SRMS: variants seen among roughly 807,000 people sequenced by gnomAD.
SRMS encodes tyrosine-protein kinase Srms.
A neutral mutation model predicts 43.5 loss-of-function variants in SRMS; 42 were observed. The observed-to-expected ratio is 0.97, with a 90% CI of 0.75 to 1.25. The LOEUF (loss-of-function observed/expected upper bound fraction) is 1.25. Among genes scored for constraint, SRMS ranks in the 50% most tolerant of loss-of-function variants. SRMS has a pLI of 0.00. For missense variants in SRMS, 703 were observed against 681.0 expected, an observed-to-expected ratio of 1.03 and a Z score of -0.36; for synonymous variants, 316 against 308.2, an observed-to-expected ratio of 1.03 and a Z score of -0.27.
Position 63,547,472 on chromosome 20 carries a change from G to A in SRMS, c.-9C>T, listed in dbSNP as rs2082740088. ...CTGAGGAACGGCTCCATCCCCCGGGGTCACCACGCTGGGCCCGAGGGCCAT... is the reference window on the plus strand; with the variant it reads ...CTGAGGAACGGCTCCATCCCCCGGGATCACCACGCTGGGCCCGAGGGCCAT... On this transcript the variant is annotated 5_prime_UTR_variant, in exon 1 of 8. Coordinates refer to ENST00000217188, the MANE Select transcript of SRMS (RefSeq NM_080823.4). The A allele has an allele frequency of 6.8e-7, 1 of 1,477,388 alleles. No individual in the cohort carries two copies. The highest frequency in any genetic ancestry group is 1.4e-5 in the African/African-American group (1 of 70,156). The allele number at this position is 1,477,388 out of a possible 1,614,324, so 91.5% of individuals were successfully genotyped here. A position where few individuals can be genotyped will look rare whatever the true frequency, so the allele number is the denominator to read the frequency against.
intron 1 of SRMS, among the ~76,000 whole-genome samples, chr20:63,544,983 C>T (rs570574028): frequency 3.7e-4 from 57 of 152,228 alleles, no homozygotes; most frequent in Non-Finnish European, 6.3e-4. Flanking sequence ...CAGTACAGGA[C>T]GGCCCTAAGC....
intron 3 of SRMS, 123 bp downstream of exon 3, chr20:63,543,191 G>T: frequency 8.2e-7 from 1 of 1,217,058 alleles, no homozygotes; most frequent in Non-Finnish European, 1.2e-6. Flanking sequence ...CCCAGGCCTG[G>T]GCAGGGCCCT....
intron 1 of SRMS, among the ~76,000 whole-genome samples, chr20:63,544,783 A>G (rs1600946859): frequency 6.6e-6 from 1 of 152,184 alleles, no homozygotes. Context: ...CATGGGCATC[A>G]CCTGGCTGGG....
rs2082709994 is a variant in SRMS at position 63,542,411 on chromosome 20, GGCCGTGGCGCA to G, written c.787+18_787+28del. 2 of 1,602,098 alleles carry G rather than the reference GGCCGTGGCGCA, an allele frequency of 1.2e-6. No individual in the cohort carries two copies. The highest frequency in any genetic ancestry group is 3.4e-5 in the Admixed American group (2 of 59,362). ...GGGTTGGACAGCAGGTGCGGGGCCC[GGCCGTGGCGCA>G]GGATCTCGGGGCCTCACCTGACTTG... On this transcript the variant is annotated intron_variant, in intron 4 of 7. Transcript: ENST00000217188.
In SRMS at chr20:63,540,603, C is replaced by A. The variant is rs1450250423; in HGVS notation, c.*215G>T. Reference sequence around the variant, plus strand: ...ACTGCATGGGGGACGTCAGCCCCAGCCCTCCGTCTGCACGAGTCACACTGC... The same window carrying A: ...ACTGCATGGGGGACGTCAGCCCCAGACCTCCGTCTGCACGAGTCACACTGC... On this transcript the variant is annotated 3_prime_UTR_variant, in exon 8 of 8. Coordinates refer to ENST00000217188, the MANE Select transcript of SRMS (RefSeq NM_080823.4). 6.6e-6 allele frequency among the ~76,000 whole-genome samples: 1 copy of A among 151,910 alleles called. No individual in the cohort carries two copies. Among genetic ancestry groups the A allele is most frequent in the Non-Finnish European group, 1.5e-5 (1 of 67,918 alleles).
chr20:63,547,558 C>G lies in SRMS; in HGVS notation c.-95G>C, dbSNP rs2082740888. 8.2e-7 allele frequency: 1 copy of G among 1,223,450 alleles called. No individual in the cohort carries two copies. The highest frequency in any genetic ancestry group is 1.1e-6 in the Non-Finnish European group (1 of 917,750). 75.8% of individuals were successfully genotyped at this position (1,223,450 alleles called of 1,614,324 possible). ...CCGGTGGGACCCGGTGTCCAGCGCT[C>G]CCTGCCCTGGCCGTGGGGTGACAGG... On this transcript the variant is annotated 5_prime_UTR_variant, in exon 1 of 8. Transcript: ENST00000217188.
rs1184762777 is a variant in SRMS, at chr20:63,540,389, A to ACACACAGGGCTCAGGGTTCCT, written c.*408_*428dup. ...GGAGTCCAGGGGACCCAGGCAGGAG[A>ACACACAGGGCTCAGGGTTCCT]CACACAGGGCTCAGGGTTCCTCACC... On this transcript the variant is annotated 3_prime_UTR_variant, in exon 8 of 8. Coordinates refer to ENST00000217188, the MANE Select transcript of SRMS (RefSeq NM_080823.4). 6.6e-6 allele frequency among the ~76,000 whole-genome samples: 1 copy of ACACACAGGGCTCAGGGTTCCT among 151,690 alleles called. No homozygotes were observed. The highest frequency in any genetic ancestry group is 1.5e-5 in the Non-Finnish European group (1 of 67,992).
At chr20:63,543,214 C>T (rs1170075414) in intron 3 of SRMS, 100 bp downstream of exon 3, 4 of 1,453,372 alleles carry the variant, frequency 2.8e-6, no homozygotes, top group Non-Finnish European at 3.7e-6. Flanking sequence ...AGCTGCGCCT[C>T]TGACAGCCCC....
chr20:63,542,760 AGCTCATT>A (rs2082711878), intron 3 of SRMS, among the ~76,000 whole-genome samples, 179 bp from the exon 4 acceptor site: 1 of 152,114 alleles, frequency 6.6e-6, no homozygotes. Context: ...GCCCCGTGGG[AGCTCATT>A]GCTCTGGGGG....
chr20:63,545,500 C>T (rs977767149), intron 1 of SRMS, among the ~76,000 whole-genome samples: 9 of 152,174 alleles, frequency 5.9e-5, no homozygotes, highest in African/African-American at 2.2e-4. Context: ...GCCTCAGAGT[C>T]AACACAAGAT....
In SRMS at chr20:63,541,585, G is replaced by C. The variant is rs1454441862; in HGVS notation, c.982C>G (p.Leu328Val). The C allele has an allele frequency of 6.4e-7, 1 of 1,570,338 alleles. No homozygotes were observed. Among genetic ancestry groups the C allele is most frequent in the Non-Finnish European group, 8.6e-7 (1 of 1,162,274 alleles). Residue 328 changes from leucine to valine, a missense_variant, in exon 6 of 8, where the codon CTG (leucine) becomes GTG (valine). Physicochemically the swap from Leu to Val is conservative, Grantham distance 32. Transcript: ENST00000217188. ...TCAGCCACCTGGCAGGCAAAGCCCA[G>C]GAGTGGCGGCAGACGCAGGGCCCGG... Reference protein sequence around the residue: ...EGRALRLPPLLGFACQVAEGM... With the variant: ...EGRALRLPPLVGFACQVAEGM...
intron 5 of SRMS, 127 bp downstream of exon 5, chr20:63,542,035 CG>C (rs1555886638): frequency 1.5e-6 from 2 of 1,351,584 alleles, no homozygotes; most frequent in Non-Finnish European, 2.0e-6. Context: ...GATCTGCAGC[CG>C]GGGCCACCTG....
At chr20:63,541,761 G>A (rs751230521) in intron 5 of SRMS, 141 bp from the exon 6 acceptor site, 9 of 1,116,782 alleles carry the variant, frequency 8.1e-6, no homozygotes, top group Non-Finnish European at 1.1e-5. Context: ...CTAAGGCCAC[G>A]GGAAGCCCCA....
At chr20:63,546,466 A>C (rs2082731322) in intron 1 of SRMS, among the ~76,000 whole-genome samples, 6 of 119,074 alleles carry the variant, frequency 5.0e-5, no homozygotes, top group African/African-American at 3.7e-4. Flanking sequence ...CGCCTCTGCA[A>C]CCCCTGCTCA....
chr20:63,542,848 C>T (rs1488708962), intron 3 of SRMS, among the ~76,000 whole-genome samples: 2 of 152,216 alleles, frequency 1.3e-5, no homozygotes, highest in African/African-American at 2.4e-5. Context: ...GCCGCGCTGT[C>T]ATTATGAGAC....
chr20:63,542,054 T>C (rs905715969), intron 5 of SRMS, 109 bp downstream of exon 5: 18 of 1,463,214 alleles, frequency 1.2e-5, no homozygotes, highest in Non-Finnish European at 1.6e-5. Context: ...CTGCTCCCGG[T>C]AGAGAGGCCC....
At chr20:63,545,720 C>T (rs1446056786) in intron 1 of SRMS, among the ~76,000 whole-genome samples, 3 of 152,118 alleles carry the variant, frequency 2.0e-5, no homozygotes, top group Admixed American at 6.5e-5. Flanking sequence ...AGAGAGGCAG[C>T]GGCCTGAGGC....
intron 1 of SRMS, 57 bp from the exon 2 acceptor site, chr20:63,544,405 T>G: frequency 7.1e-7 from 1 of 1,417,504 alleles, no homozygotes; most frequent in Non-Finnish European, 9.2e-7. Flanking sequence ...TGGCCCCACA[T>G]GCTCTCCTCC....
At chr20:63,544,486 T>A in intron 1 of SRMS, 138 bp from the exon 2 acceptor site, 1 of 1,154,598 alleles carries the variant, frequency 8.7e-7, no homozygotes, top group Non-Finnish European at 1.1e-6. Context: ...GGACTTTGAG[T>A]CCCAGCTCAA....
Sources: gnomAD v4.1 joint callset for allele counts (sites outside exome capture counted in the v4.1 genomes callset) on GRCh38, gnomAD v4.1.1 for gene constraint, MANE v1.5 for transcripts, NCBI Gene and HGNC (gene_info 2026-07-23, HGNC 2026-07-21) for gene names.